The following BLVRA variants were observed in gnomAD, a reference collection of about 807,000 sequenced individuals.
The protein encoded by BLVRA is biliverdin reductase A, also known as BVR A.
Under a neutral mutation model 32.8 loss-of-function variants are expected in BLVRA, and 22 were observed. The observed-to-expected ratio is 0.67, with a 90% confidence interval of 0.48 to 0.96. The LOEUF (loss-of-function observed/expected upper bound fraction) is 0.96. Among genes scored for constraint, BLVRA ranks in the 40% least tolerant of loss-of-function variants. The probability of loss-of-function intolerance (pLI) is 0.00; values close to 1 mark genes in which losing one functional copy is unlikely to be tolerated. For synonymous variants in BLVRA, 119 were observed against 141.3 expected, an observed-to-expected ratio of 0.84 and a Z score of 1.12; for missense variants, 323 against 358.1, an observed-to-expected ratio of 0.90 and a Z score of 0.79.
At chr7:43,776,573 G>C (rs1038354466) in intron 2 of BLVRA, among the ~76,000 whole-genome samples, 20 of 152,126 alleles carry the variant, frequency 1.3e-4, no homozygotes, top group African/African-American at 4.8e-4. Context: ...TGTGTGGTCA[G>C]TTTTGGAATA....
Position 43,787,335 on chromosome 7 carries a change from A to C in BLVRA, c.13-569A>C, listed in dbSNP as rs1039357160. ...CATACAGCCTCCAGCAGTGCACTTA[A>C]ATAATATTTAAGATACTGCAGTATC... is the stretch of plus-strand genomic sequence containing the variant. On this transcript the variant is annotated intron_variant, in intron 2 of 7. Coordinates refer to ENST00000265523, the MANE Select transcript of BLVRA (RefSeq NM_000712.4). The surrounding 1 kb of genome is among the most constrained non-coding windows in gnomAD (Gnocchi z 4.5). Among the ~76,000 whole-genome samples, 2 of 152,200 alleles carry C rather than the reference A, an allele frequency of 1.3e-5. No individual in the cohort carries two copies. Among genetic ancestry groups the C allele is most frequent in the African/African-American group, 4.8e-5 (2 of 41,442 alleles).
intron 1 of BLVRA, chr7:43,767,396 T>A (rs2095749417): frequency 5.6e-6 from 9 of 1,601,130 alleles, no homozygotes; most frequent in East Asian, 2.2e-5. Flanking sequence ...TTCACAGCTT[T>A]AATGATCACT....
At chr7:43,762,124 A>G (rs961097509) in intron 1 of BLVRA, among the ~76,000 whole-genome samples, 4 of 152,130 alleles carry the variant, frequency 2.6e-5, no homozygotes, top group Admixed American at 6.5e-5. Context: ...TTGAGGAGGA[A>G]CAAGGAGGAA....
intron 4 of BLVRA, 147 bp from the exon 5 acceptor site, chr7:43,792,568 C>T (rs574932678): frequency 1.2e-5 from 9 of 734,936 alleles, no homozygotes; most frequent in African/African-American, 5.2e-5. Flanking sequence ...CTCCATATCC[C>T]GTGGCACTGA....
chr7:43,801,775 A>C lies in BLVRA; in HGVS notation c.460+1203A>C, dbSNP rs1201123680. Among the ~76,000 whole-genome samples, 4 of 152,298 alleles carry C rather than the reference A, an allele frequency of 2.6e-5. No homozygotes were observed. The East Asian group carries it at 7.7e-4, about 29-fold the overall frequency. ...AGAGGTAACGTAGCGGTCATGAGACAGAGCTGGATTGGAGCTCAGCTCTCT... is the reference window on the plus strand; with the variant it reads ...AGAGGTAACGTAGCGGTCATGAGACCGAGCTGGATTGGAGCTCAGCTCTCT... On this transcript the variant is annotated intron_variant, in intron 6 of 7. Transcript: ENST00000265523.
At chr7:43,769,996 T>C (rs2095752731) in intron 1 of BLVRA, among the ~76,000 whole-genome samples, 1 of 152,204 alleles carries the variant, frequency 6.6e-6, no homozygotes, top group Admixed American at 6.5e-5. Context: ...AGGTCGGTTT[T>C]GTTTGTTTTG....
rs981427431 is a variant in BLVRA at position 43,787,212 on chromosome 7, C to T, written c.13-692C>T. Among the ~76,000 whole-genome samples, 8 of 152,096 alleles carry T rather than the reference C, an allele frequency of 5.3e-5. No individual in the cohort carries two copies. The highest frequency in any genetic ancestry group is 1.7e-4 in the African/African-American group (7 of 41,416). On this transcript the variant is annotated intron_variant, in intron 2 of 7. Coordinates refer to ENST00000265523, the MANE Select transcript of BLVRA (RefSeq NM_000712.4). This position sits in a 1 kb window ranked among gnomAD's most constrained non-coding sequence, Gnocchi z 4.5. Reference sequence around the variant, plus strand: ...TGCTGGGATTACAGGCGTGAGCCACCGTGCCCAGTGCATGGAGATAAATTT... The same window carrying T: ...TGCTGGGATTACAGGCGTGAGCCACTGTGCCCAGTGCATGGAGATAAATTT...
intron 1 of BLVRA, among the ~76,000 whole-genome samples, chr7:43,761,270 A>C (rs2095741942): frequency 6.7e-6 from 1 of 148,598 alleles, no homozygotes; most frequent in South Asian, 2.1e-4. Flanking sequence ...ACAAATAAAT[A>C]GAAGATAAAT....
At chr7:43,778,454 C>T (rs150414916) in intron 2 of BLVRA, among the ~76,000 whole-genome samples, 15,202 of 152,230 alleles carry the variant, frequency 0.1, 966 homozygotes, top group Admixed American at 0.19. Flanking sequence ...TGCAGTACAG[C>T]GGTGGCTGTA....
At chr7:43,767,495 G>T in intron 1 of BLVRA, 1 of 1,281,300 alleles carries the variant, frequency 7.8e-7, no homozygotes. Flanking sequence ...CTGTTTTTAT[G>T]CTGCTATTGT....
intron 5 of BLVRA, among the ~76,000 whole-genome samples, chr7:43,799,281 TC>T (rs1180227202): frequency 6.6e-6 from 1 of 152,170 alleles, no homozygotes; most frequent in Non-Finnish European, 1.5e-5. Flanking sequence ...AAGGCAACCG[TC>T]CCAGGAGCAT....
intron 5 of BLVRA, 67 bp downstream of exon 5, chr7:43,792,879 C>T: frequency 6.8e-7 from 1 of 1,474,134 alleles, no homozygotes; most frequent in Non-Finnish European, 9.4e-7. Context: ...GCCTTTAAAA[C>T]TTAACCCCAT....
At chr7:43,765,377 G>A (rs1240702019) in intron 1 of BLVRA, among the ~76,000 whole-genome samples, 2 of 151,936 alleles carry the variant, frequency 1.3e-5, no homozygotes, top group Non-Finnish European at 2.9e-5. Context: ...TCAGCCTCCC[G>A]AATAGCTGGT....
intron 5 of BLVRA, among the ~76,000 whole-genome samples, chr7:43,798,638 G>C (rs2095795436): frequency 6.6e-6 from 1 of 152,154 alleles, no homozygotes; most frequent in Non-Finnish European, 1.5e-5. Context: ...AGTGGTTAAG[G>C]CTCATCTTGT....
At chr7:43,759,101 G>A (rs2095739555) in intron 1 of BLVRA, among the ~76,000 whole-genome samples, 1 of 152,236 alleles carries the variant, frequency 6.6e-6, no homozygotes, top group Non-Finnish European at 1.5e-5. Flanking sequence ...CTCCAGGAGC[G>A]CGAGCGGCTG....
At chr7:43,775,734 C>T (rs1180084459) in intron 2 of BLVRA, among the ~76,000 whole-genome samples, 2 of 152,186 alleles carry the variant, frequency 1.3e-5, no homozygotes, top group African/African-American at 2.4e-5. Context: ...CCTCCTTGTA[C>T]CTCTGGTAGA....
Position 43,807,112 on chromosome 7 carries a change from T to C in BLVRA, c.768T>C (p.Asn256=), listed in dbSNP as rs146120201. 144 of 1,614,144 alleles carry C rather than the reference T, an allele frequency of 8.9e-5. No individual in the cohort carries two copies. The highest frequency in any genetic ancestry group is 1.1e-4 in the Non-Finnish European group (135 of 1,180,028). ...AGAACATATTTCTGAAAGATCAAAA[T>C]ATATTTGTCCAGAAACTCTTGGGCC... ...VNKNIFLKDQ[N]IFVQKLLGQF... The change falls in exon 8 of 8, where the codon AAT becomes AAC. Residue 256 remains asparagine, a synonymous_variant. Transcript: ENST00000265523.
At chr7:43,774,591 C>T (rs2095758539) in intron 2 of BLVRA, among the ~76,000 whole-genome samples, 1 of 152,170 alleles carries the variant, frequency 6.6e-6, no homozygotes, top group African/African-American at 2.4e-5. Context: ...CGGCTTTGTT[C>T]TTTTGGCTTA....
chr7:43,767,479 G>A, intron 1 of BLVRA: 1 of 1,363,698 alleles, frequency 7.3e-7, no homozygotes, highest in African/African-American at 1.4e-5. Context: ...TATCCAATAA[G>A]GACAGCTGTT....
Sources: allele counts gnomAD v4.1 joint callset (sites outside exome capture counted in the v4.1 genomes callset), GRCh38; gene constraint gnomAD v4.1.1; non-coding constraint Gnocchi (gnomAD v3.1); transcripts MANE v1.5; gene names NCBI Gene and HGNC (gene_info 2026-07-23, HGNC 2026-07-21).